Variants in ILRUN observed in about 807,000 individuals in gnomAD.
The protein encoded by ILRUN is inflammation and lipid regulator with UBA-like and NBR1-like domains, also known as protein ILRUN.
In ILRUN, 3 loss-of-function variants were observed where a neutral mutation model predicts 33.8. That is an observed-to-expected ratio of 0.09 (90% CI 0.04 to 0.23). The LOEUF is 0.23. Among genes scored for constraint, ILRUN ranks in the 10% least tolerant of loss-of-function variants. The probability of loss-of-function intolerance (pLI) is 1.00; values close to 1 mark genes in which losing one functional copy is unlikely to be tolerated. For synonymous variants in ILRUN, 124 were observed against 138.9 expected (o/e 0.89, Z 0.75); for missense variants, 210 against 375.1 (o/e 0.56, Z 3.64).
At chr6:34,650,002 T>C (rs376756875) in intron 2 of ILRUN, among the ~76,000 whole-genome samples, 1 of 152,316 alleles carries the variant, frequency 6.6e-6, no homozygotes, top group Non-Finnish European at 1.5e-5. Flanking sequence ...TTCTATGAAG[T>C]TCAAAAAATA....
intron 3 of ILRUN, among the ~76,000 whole-genome samples, chr6:34,641,597 C>G (rs1383645829): frequency 6.6e-6 from 1 of 152,044 alleles, no homozygotes; most frequent in African/African-American, 2.4e-5. Flanking sequence ...TACAAGGAGG[C>G]ATTCATATAT....
intron 4 of ILRUN, among the ~76,000 whole-genome samples, chr6:34,601,411 T>C (rs1761504937): frequency 6.6e-6 from 1 of 150,804 alleles, no homozygotes. Flanking sequence ...GGAGAGGATC[T>C]GCATGTGAGA....
intron 3 of ILRUN, among the ~76,000 whole-genome samples, chr6:34,644,997 G>C (rs1762539004): frequency 6.6e-6 from 1 of 152,154 alleles, no homozygotes; most frequent in Non-Finnish European, 1.5e-5. Context: ...GTGCCAAGGA[G>C]TTTAGCTTCA....
chr6:34,655,760 C>T (rs1239173151), intron 1 of ILRUN, among the ~76,000 whole-genome samples: 1 of 151,796 alleles, frequency 6.6e-6, no homozygotes, highest in Non-Finnish European at 1.5e-5. Context: ...TATATCCAAA[C>T]TTCCCTCAAT....
chr6:34,604,211 CA>C (rs1168447458), intron 4 of ILRUN, among the ~76,000 whole-genome samples: 3 of 152,160 alleles, frequency 2.0e-5, no homozygotes, highest in Non-Finnish European at 4.4e-5. Flanking sequence ...ATAAATAAGT[CA>C]ATAACCTCAC....
intron 3 of ILRUN, among the ~76,000 whole-genome samples, chr6:34,615,097 G>A (rs908944964): frequency 6.6e-6 from 1 of 152,136 alleles, no homozygotes; most frequent in Non-Finnish European, 1.5e-5. Flanking sequence ...TCCAAATAAA[G>A]TCTGGAGTTT....
intron 3 of ILRUN, among the ~76,000 whole-genome samples, chr6:34,615,132 G>A (rs927219969): frequency 6.6e-6 from 1 of 152,166 alleles, no homozygotes; most frequent in Non-Finnish European, 1.5e-5. Context: ...TACCAATGTT[G>A]ATGTCTTTAA....
chr6:34,630,554 T>C (rs1311189539), intron 3 of ILRUN, among the ~76,000 whole-genome samples: 1 of 152,186 alleles, frequency 6.6e-6, no homozygotes, highest in Non-Finnish European at 1.5e-5. Context: ...CAGCTAATTT[T>C]TGTATTTTTA....
chr6:34,601,630 A>T lies in ILRUN; in HGVS notation c.861+4925T>A, dbSNP rs142462666. Among the ~76,000 whole-genome samples the T allele has an allele frequency of 4.2e-3, 647 of 152,292 alleles. 5 individuals carry two copies. The highest frequency in any genetic ancestry group is 0.015 in the African/African-American group (604 of 41,558). On this transcript the variant is annotated intron_variant, in intron 4 of 4. Coordinates refer to ENST00000374023, the MANE Select transcript of ILRUN (RefSeq NM_024294.4). ...CTTTTTGGCCATTTCAAAGTAGATAATAGATCCACAAGCCATTACATCGCC... is the reference window on the plus strand; with the variant it reads ...CTTTTTGGCCATTTCAAAGTAGATATTAGATCCACAAGCCATTACATCGCC...
intron 3 of ILRUN, among the ~76,000 whole-genome samples, chr6:34,632,588 C>G (rs996813771): frequency 7.2e-6 from 1 of 138,930 alleles, no homozygotes; most frequent in African/African-American, 2.8e-5. Flanking sequence ...GAGTCTCGCT[C>G]TGTCACCCAG....
chr6:34,612,792 C>T (rs1348498802), intron 3 of ILRUN, among the ~76,000 whole-genome samples: 2 of 152,106 alleles, frequency 1.3e-5, no homozygotes, highest in Non-Finnish European at 2.9e-5. Flanking sequence ...CCTGCAATCC[C>T]AGCATTTTGG....
At chr6:34,612,414 A>C (rs1383050205) in intron 3 of ILRUN, among the ~76,000 whole-genome samples, 1 of 151,832 alleles carries the variant, frequency 6.6e-6, no homozygotes, top group Admixed American at 6.6e-5. Flanking sequence ...CCCTGTCTCA[A>C]AAAATAATAA....
rs529397990 is a variant in ILRUN at position 34,592,901 on chromosome 6, C to T, written c.862-2301G>A. On this transcript the variant is annotated intron_variant, in intron 4 of 4. Transcript: ENST00000374023. The surrounding 1 kb of genome is among the most constrained non-coding windows in gnomAD (Gnocchi z 4.0). ...AGCAAAAAGAAAACCTTGCTAGGTACGGTCGCTTATGTCTATAATCCCAGC... is the reference window on the plus strand; with the variant it reads ...AGCAAAAAGAAAACCTTGCTAGGTATGGTCGCTTATGTCTATAATCCCAGC... Among the ~76,000 whole-genome samples, 1 of 152,154 alleles carries T rather than the reference C, an allele frequency of 6.6e-6. No individual in the cohort carries two copies. Among genetic ancestry groups the T allele is most frequent in the Non-Finnish European group, 1.5e-5 (1 of 68,028 alleles).
Position 34,592,775 on chromosome 6 carries a change from C to T in ILRUN, c.862-2175G>A, listed in dbSNP as rs2127306751. Among the ~76,000 whole-genome samples, 1 of 152,162 alleles carries T rather than the reference C, an allele frequency of 6.6e-6. No homozygotes were observed. Among genetic ancestry groups the T allele is most frequent in the East Asian group, 1.9e-4 (1 of 5,168 alleles). ...TCAGCAGTTCCCAACAACAATCATT[C>T]ATCTAGAACTACCCAAGGAAAGCAA... On this transcript the variant is annotated intron_variant, in intron 4 of 4. Transcript: ENST00000374023. This position sits in a 1 kb window ranked among gnomAD's most constrained non-coding sequence, Gnocchi z 4.0.
intron 3 of ILRUN, among the ~76,000 whole-genome samples, chr6:34,620,771 G>C (rs1181862643): frequency 6.6e-6 from 1 of 152,230 alleles, no homozygotes; most frequent in Non-Finnish European, 1.5e-5. Context: ...TGAGGCTGCA[G>C]TAAGCTACGA....
At chr6:34,668,652 AG>A (rs1763051026) in intron 1 of ILRUN, among the ~76,000 whole-genome samples, 1 of 152,146 alleles carries the variant, frequency 6.6e-6, no homozygotes, top group African/African-American at 2.4e-5. Flanking sequence ...ACGCCTTCAG[AG>A]GCTACCTGTG....
intron 3 of ILRUN, among the ~76,000 whole-genome samples, chr6:34,612,763 C>G (rs568953852): frequency 5.5e-4 from 84 of 152,236 alleles, no homozygotes; most frequent in African/African-American, 2.0e-3. Context: ...AAAAATTTGG[C>G]TGGGTGCAGT....
At chr6:34,616,212 G>A (rs1391850231) in intron 3 of ILRUN, among the ~76,000 whole-genome samples, 1 of 152,224 alleles carries the variant, frequency 6.6e-6, no homozygotes, top group Non-Finnish European at 1.5e-5. Context: ...CTGGCATCAG[G>A]AGGCAAAGCC....
At chr6:34,687,455 G>A (rs1455013723) in intron 1 of ILRUN, among the ~76,000 whole-genome samples, 4 of 151,994 alleles carry the variant, frequency 2.6e-5, no homozygotes, top group Admixed American at 1.3e-4. Flanking sequence ...AAGCACTCTG[G>A]GAGGCCAAAG....
Sources: allele counts gnomAD v4.1 joint callset (sites outside exome capture counted in the v4.1 genomes callset), GRCh38; gene constraint gnomAD v4.1.1; non-coding constraint Gnocchi (gnomAD v3.1); transcripts MANE v1.5; gene names NCBI Gene and HGNC (gene_info 2026-07-23, HGNC 2026-07-21).